Variants in MCC observed in about 807,000 individuals in gnomAD.
MCC encodes MCC regulator of Wnt signaling pathway, also known as colorectal mutant cancer protein.
A neutral mutation model predicts 116.2 loss-of-function variants in MCC; 90 were observed. The observed-to-expected ratio is 0.77, with a 90% CI of 0.65 to 0.92. The LOEUF (loss-of-function observed/expected upper bound fraction) is 0.92, where lower values mean the gene tolerates loss of function less well. Ranked by LOEUF, MCC falls within the 40% of genes least tolerant of loss-of-function variation. MCC has a pLI of 0.00. For synonymous variants in MCC, 578 were observed against 510.5 expected (o/e 1.13, Z -1.78); for missense variants, 1,516 against 1,312.2 (o/e 1.16, Z -2.40).
intron 3 of MCC, among the ~76,000 whole-genome samples, chr5:113,317,284 T>A (rs1009079667): frequency 6.6e-6 from 1 of 152,178 alleles, no homozygotes; most frequent in African/African-American, 2.4e-5. Context: ...AAAAACTATA[T>A]TCAAACATCT....
intron 2 of MCC, among the ~76,000 whole-genome samples, chr5:113,359,826 A>AG (rs60356320): frequency 1 from 152,329 of 152,330 alleles, 76,164 homozygotes; most frequent in Non-Finnish European, 1. Flanking sequence ...TTGGTCCTTT[A>AG]GCCCCTGAAG....
At chr5:113,280,079 ATCTCT>A (rs1414254304) in intron 3 of MCC, among the ~76,000 whole-genome samples, 3 of 152,166 alleles carry the variant, frequency 2.0e-5, no homozygotes, top group African/African-American at 7.2e-5. Context: ...CTCCACACTG[ATCTCT>A]TCTCTTCCTG....
intron 2 of MCC, among the ~76,000 whole-genome samples, chr5:113,360,619 C>G (rs1480890096): frequency 6.6e-6 from 1 of 152,142 alleles, no homozygotes; most frequent in Non-Finnish European, 1.5e-5. Context: ...AGTTATGGAA[C>G]CATTCAGACT....
At chr5:113,083,750 A>G (rs979526245) in intron 10 of MCC, among the ~76,000 whole-genome samples, 1 of 152,186 alleles carries the variant, frequency 6.6e-6, no homozygotes, top group African/African-American at 2.4e-5. Context: ...GGATGTGCAA[A>G]AGACAAAGTT....
chr5:113,074,567 G>A (rs1000744504), intron 11 of MCC, among the ~76,000 whole-genome samples: 6 of 105,888 alleles, frequency 5.7e-5, no homozygotes, highest in Admixed American at 3.3e-4. Context: ...GGCTTCAGAC[G>A]ATAGATAATA....
At chr5:113,122,588 A>AC (rs1757797830) in intron 6 of MCC, 96 bp downstream of exon 6, 4 of 1,456,020 alleles carry the variant, frequency 2.7e-6, no homozygotes, top group Non-Finnish European at 3.7e-6. Flanking sequence ...CCCCTTGAAA[A>AC]ATTAAATTTT....
intron 1 of MCC, among the ~76,000 whole-genome samples, chr5:113,390,946 C>G (rs1769385860): frequency 3.9e-5 from 6 of 152,156 alleles, no homozygotes; most frequent in Admixed American, 3.9e-4. Context: ...TTAGAAGTCT[C>G]TAATTTCAGT....
At chr5:113,350,375 G>A (rs910098228) in intron 2 of MCC, among the ~76,000 whole-genome samples, 1 of 151,888 alleles carries the variant, frequency 6.6e-6, no homozygotes, top group Non-Finnish European at 1.5e-5. Context: ...AATAGAGAAC[G>A]CAGAAACAAG....
At chr5:113,132,084 G>GT (rs11436110) in intron 5 of MCC, among the ~76,000 whole-genome samples, 26,677 of 151,684 alleles carry the variant, frequency 0.18, 3,800 homozygotes, top group African/African-American at 0.39. Context: ...GGATATAAGC[G>GT]TTTTTTTAAA....
At chr5:113,336,018 G>A (rs1407437737) in intron 3 of MCC, among the ~76,000 whole-genome samples, 4 of 151,626 alleles carry the variant, frequency 2.6e-5, no homozygotes, top group Non-Finnish European at 5.9e-5. Flanking sequence ...TAAGGTGCTG[G>A]CATCTGTCAG....
At chr5:113,227,544 T>C (rs1763789808) in intron 3 of MCC, among the ~76,000 whole-genome samples, 1 of 152,202 alleles carries the variant, frequency 6.6e-6, no homozygotes, top group Non-Finnish European at 1.5e-5. Flanking sequence ...TGCTTATTCA[T>C]TCATGTAACT....
intron 6 of MCC, among the ~76,000 whole-genome samples, chr5:113,122,158 T>C (rs1581106555): frequency 6.6e-6 from 1 of 152,356 alleles, no homozygotes; most frequent in South Asian, 2.1e-4. Flanking sequence ...TATTTACACA[T>C]GGATATTTCT....
chr5:113,143,555 C>G (rs1759316218), intron 4 of MCC, among the ~76,000 whole-genome samples, 195 bp from the exon 5 acceptor site: 1 of 152,214 alleles, frequency 6.6e-6, no homozygotes, highest in African/African-American at 2.4e-5. Flanking sequence ...CCAGTGGATA[C>G]TGGAGTCTTT....
chr5:113,302,418 C>T (rs1766885415), intron 3 of MCC, among the ~76,000 whole-genome samples: 1 of 152,130 alleles, frequency 6.6e-6, no homozygotes, highest in African/African-American at 2.4e-5. Context: ...AATATGTGGA[C>T]TTTGTTGAGA....
At chr5:113,488,136 G>A in intron 1 of MCC, 109 bp downstream of exon 1, 4 of 1,157,848 alleles carry the variant, frequency 3.5e-6, no homozygotes, top group Non-Finnish European at 4.6e-6. Context: ...TTTCCCGCGA[G>A]CTTCTGAGCA....
chr5:113,071,352 G>C (rs2150234304), intron 11 of MCC, 118 bp from the exon 12 acceptor site: 1 of 978,574 alleles, frequency 1.0e-6, no homozygotes, highest in South Asian at 1.7e-5. Flanking sequence ...TGTCAGATTA[G>C]TAGCTGACAC....
At chr5:113,445,149 C>T (rs190673178) in intron 1 of MCC, among the ~76,000 whole-genome samples, 32 of 152,154 alleles carry the variant, frequency 2.1e-4, no homozygotes, top group South Asian at 4.1e-4. Context: ...GCTGAAGTAC[C>T]CTTATTTATC....
intron 3 of MCC, among the ~76,000 whole-genome samples, chr5:113,163,710 C>T (rs534405414): frequency 6.6e-6 from 1 of 152,130 alleles, no homozygotes; most frequent in African/African-American, 2.4e-5. Flanking sequence ...TTAGAAAATA[C>T]AGATAAAGGA....
intron 16 of MCC, among the ~76,000 whole-genome samples, chr5:113,046,953 C>A (rs1752133462): frequency 6.6e-6 from 1 of 152,154 alleles, no homozygotes; most frequent in Non-Finnish European, 1.5e-5. Flanking sequence ...CTCAAGATAA[C>A]TCCAGCCAGT....
Sources: gnomAD v4.1 joint callset for allele counts (sites outside exome capture counted in the v4.1 genomes callset) on GRCh38, gnomAD v4.1.1 for gene constraint, MANE v1.5 for transcripts, NCBI Gene and HGNC (gene_info 2026-07-23, HGNC 2026-07-21) for gene names.